The following KCNAB1 variants were observed in gnomAD, a reference collection of about 807,000 sequenced individuals.
The protein encoded by KCNAB1 is voltage-gated potassium channel subunit beta-1.
Under a neutral mutation model 64.6 loss-of-function variants are expected in KCNAB1, and 35 were observed. The ratio of observed to expected loss-of-function variants is 0.54; its 90% CI spans 0.41 to 0.72. The LOEUF (loss-of-function observed/expected upper bound fraction) is 0.72. Ranked by LOEUF, KCNAB1 falls within the 30% of genes least tolerant of loss-of-function variation. KCNAB1 has a pLI of 0.00. For synonymous variants in KCNAB1, 177 were observed against 183.8 expected (o/e 0.96, Z 0.30); for missense variants, 401 against 512.9 (o/e 0.78, Z 2.11).
At chr3:156,352,157 C>T (rs1039646490) in intron 1 of KCNAB1, among the ~76,000 whole-genome samples, 48 of 152,328 alleles carry the variant, frequency 3.2e-4, no homozygotes, top group African/African-American at 1.0e-3. Context: ...GCCACACTTC[C>T]GCCCCTAGCT....
intron 1 of KCNAB1, among the ~76,000 whole-genome samples, chr3:156,307,824 G>C (rs1185421782): frequency 1.3e-5 from 2 of 152,202 alleles, no homozygotes; most frequent in Non-Finnish European, 2.9e-5. Context: ...AGGCTGTACA[G>C]AATATAGTCT....
chr3:156,274,691 T>C (rs1719239491), intron 1 of KCNAB1, among the ~76,000 whole-genome samples: 1 of 152,198 alleles, frequency 6.6e-6, no homozygotes, highest in Non-Finnish European at 1.5e-5. Context: ...TTATTTAACA[T>C]TTCCTGGGTT....
chr3:156,138,685 A>G (rs1714517507), intron 1 of KCNAB1, among the ~76,000 whole-genome samples: 8 of 152,184 alleles, frequency 5.3e-5, no homozygotes, highest in Admixed American at 5.2e-4. Context: ...CCTCTATAGC[A>G]TGATTAGAGC....
At chr3:156,535,798 A>T (rs1719014251) in intron 13 of KCNAB1, among the ~76,000 whole-genome samples, 1 of 106,132 alleles carries the variant, frequency 9.4e-6, no homozygotes, top group South Asian at 3.1e-4. Context: ...TACATATCTA[A>T]TATCTGTGTC....
At chr3:156,192,091 CTT>C (rs931685153) in intron 1 of KCNAB1, among the ~76,000 whole-genome samples, 14 of 152,214 alleles carry the variant, frequency 9.2e-5, no homozygotes, top group African/African-American at 3.4e-4. Context: ...TTTTATAAAA[CTT>C]TATATAAATG....
chr3:156,185,915 C>T (rs1176039939), intron 1 of KCNAB1, among the ~76,000 whole-genome samples: 1 of 152,204 alleles, frequency 6.6e-6, no homozygotes. Context: ...TTCTCTATAA[C>T]TAAACACATA....
chr3:156,474,086 A>G (rs3772270), intron 7 of KCNAB1, among the ~76,000 whole-genome samples: 85,173 of 151,996 alleles, frequency 0.56, 25,015 homozygotes, highest in African/African-American at 0.74. Flanking sequence ...TCTTTATAGC[A>G]TTAGCGTCCA....
At chr3:156,207,251 G>T (rs908642602) in intron 1 of KCNAB1, among the ~76,000 whole-genome samples, 2 of 152,198 alleles carry the variant, frequency 1.3e-5, no homozygotes, top group Non-Finnish European at 2.9e-5. Flanking sequence ...AGGAGAAGAA[G>T]AAAATGTGGT....
At chr3:156,342,325 C>G (rs1724174723) in intron 1 of KCNAB1, among the ~76,000 whole-genome samples, 1 of 152,226 alleles carries the variant, frequency 6.6e-6, no homozygotes, top group Non-Finnish European at 1.5e-5. Flanking sequence ...GCTTCACTGA[C>G]TATCATCTTA....
intron 2 of KCNAB1, among the ~76,000 whole-genome samples, chr3:156,438,330 G>A (rs1716738935): frequency 6.6e-6 from 1 of 151,338 alleles, no homozygotes; most frequent in South Asian, 2.1e-4. Flanking sequence ...AAGAAGCAAG[G>A]GGCAGGTGAG....
chr3:156,302,704 C>T (rs1441176557), intron 1 of KCNAB1, among the ~76,000 whole-genome samples: 1 of 152,226 alleles, frequency 6.6e-6, no homozygotes, highest in Non-Finnish European at 1.5e-5. Context: ...CTGCTTCCCT[C>T]AGCCCCTCAC....
chr3:156,164,865 A>G (rs1415777881), intron 1 of KCNAB1, among the ~76,000 whole-genome samples: 1 of 152,242 alleles, frequency 6.6e-6, no homozygotes, highest in African/African-American at 2.4e-5. Flanking sequence ...ACTTGCATTC[A>G]GAATAGAAAT....
intron 1 of KCNAB1, chr3:156,291,562 T>G (rs1422363523): frequency 1.7e-6 from 2 of 1,191,666 alleles, no homozygotes; most frequent in African/African-American, 3.1e-5. Flanking sequence ...AGCTCTAGGC[T>G]TCTGTAAAAA....
intron 1 of KCNAB1, among the ~76,000 whole-genome samples, chr3:156,223,325 G>A (rs1022275314): frequency 1.3e-5 from 2 of 152,216 alleles, no homozygotes; most frequent in African/African-American, 4.8e-5. Flanking sequence ...GCCATTGCTG[G>A]CTTGGGCAGC....
At chr3:156,373,551 C>T (rs902587676) in intron 1 of KCNAB1, among the ~76,000 whole-genome samples, 2 of 152,150 alleles carry the variant, frequency 1.3e-5, no homozygotes, top group African/African-American at 2.4e-5. Context: ...CCTGTAAATA[C>T]CCTTTTAACA....
chr3:156,457,995 G>A (rs7621354), intron 4 of KCNAB1, among the ~76,000 whole-genome samples: 2 of 151,810 alleles, frequency 1.3e-5, no homozygotes, highest in African/African-American at 4.8e-5. Flanking sequence ...AGGGAAACAG[G>A]AGCTCTCACT....
At chr3:156,408,344 C>G (rs547685309) in intron 1 of KCNAB1, among the ~76,000 whole-genome samples, 1 of 152,298 alleles carries the variant, frequency 6.6e-6, no homozygotes, top group Admixed American at 6.5e-5. Flanking sequence ...TACTCCTTGC[C>G]ATCTCTGCAA....
rs1387732243 is a variant in KCNAB1, at chr3:156,511,316, G to GA, written c.659-3047dup. 4.1e-4 allele frequency among the ~76,000 whole-genome samples: 62 copies of GA among 152,070 alleles called. 1 individual carries two copies. The highest frequency in any genetic ancestry group is 4.1e-3 in the Admixed American group (62 of 15,272). ...GACGGGGTTTCACCGTGTTAGCCAG[G>GA]ATGGTCTCGATCTCCTGACCTCGTG... On this transcript the variant is annotated intron_variant, in intron 8 of 13. Transcript: ENST00000490337.
chr3:156,264,438 CTTCT>C (rs1257205244), intron 1 of KCNAB1, among the ~76,000 whole-genome samples: 2 of 151,702 alleles, frequency 1.3e-5, no homozygotes, highest in African/African-American at 4.8e-5. Flanking sequence ...TTATAAATGT[CTTCT>C]TTCTTTTTTG....
Sources: allele counts gnomAD v4.1 joint callset (sites outside exome capture counted in the v4.1 genomes callset), GRCh38; gene constraint gnomAD v4.1.1; transcripts MANE v1.5; gene names NCBI Gene and HGNC (gene_info 2026-07-23, HGNC 2026-07-21).